Variants in CCDC3 observed in about 807,000 individuals in gnomAD.
CCDC3 encodes the protein coiled-coil domain containing 3, also known as coiled-coil domain-containing protein 3.
A neutral mutation model predicts 21.4 loss-of-function variants in CCDC3; 24 were observed. That is an observed-to-expected ratio of 1.12 (90% confidence interval 0.81 to 1.58). CCDC3 has a LOEUF of 1.58. Ranked by LOEUF, CCDC3 falls within the 40% of genes most tolerant of loss-of-function variation. CCDC3 has a pLI of 0.00. For synonymous variants in CCDC3, 186 were observed against 166.0 expected (o/e 1.12, Z -0.93); for missense variants, 425 against 360.9 (o/e 1.18, Z -1.44).
chr10:13,035,048 A>T (rs965445790), intron 5 of CCDC3, among the ~76,000 whole-genome samples: 166 of 143,720 alleles, frequency 1.2e-3, no homozygotes, highest in African/African-American at 3.6e-3. Flanking sequence ...AAAAAAAATT[A>T]AAAAAAAAAG....
intron 2 of CCDC3, among the ~76,000 whole-genome samples, chr10:12,955,567 T>C (rs935879202): frequency 1.3e-5 from 2 of 152,090 alleles, no homozygotes; most frequent in African/African-American, 4.8e-5. Context: ...TTTTTTTTCT[T>C]TGAGAGACAG....
At chr10:13,030,437 T>C (rs1232227768) in intron 5 of CCDC3, among the ~76,000 whole-genome samples, 5 of 152,150 alleles carry the variant, frequency 3.3e-5, no homozygotes, top group African/African-American at 9.6e-5. Context: ...CATCAACTAA[T>C]GAGCAAAATA....
At position 12,900,547 on chromosome 10, in the gene CCDC3, C is replaced by T. The variant is rs375359855; in HGVS notation, c.550-1868G>A. 9.3e-3 allele frequency among the ~76,000 whole-genome samples: 1,271 copies of T among 137,022 alleles called. 11 individuals carry two copies. The highest frequency in any genetic ancestry group is 0.015 in the Non-Finnish European group (976 of 63,020). 89.9% of individuals were successfully genotyped at this position (137,022 alleles called of 152,430 possible). On this transcript the variant is annotated intron_variant, in intron 2 of 2. Coordinates refer to ENST00000378825, the MANE Select transcript of CCDC3 (RefSeq NM_031455.4). ...CAAAAAAAAAAAAAAAAAAAAAAGC[C>T]GGGCGTCGTGGCGGGTGCCTGTAGT... is the stretch of plus-strand genomic sequence containing the variant.
At chr10:13,093,459 C>A (rs993859130) in intron 3 of CCDC3, among the ~76,000 whole-genome samples, 1 of 152,078 alleles carries the variant, frequency 6.6e-6, no homozygotes, top group African/African-American at 2.4e-5. Flanking sequence ...GGGGACACAG[C>A]CAAACCATAT....
intron 2 of CCDC3, among the ~76,000 whole-genome samples, chr10:12,966,594 A>G (rs1261671525): frequency 6.6e-6 from 1 of 152,134 alleles, no homozygotes; most frequent in Admixed American, 6.5e-5. Context: ...ATTTTAGAGC[A>G]TCAGACACGC....
chr10:12,910,104 A>G (rs1180178006), intron 2 of CCDC3, among the ~76,000 whole-genome samples: 4 of 152,212 alleles, frequency 2.6e-5, no homozygotes, highest in Admixed American at 2.6e-4. Flanking sequence ...TTCAGCTAAG[A>G]GTCTGTTTAT....
intron 2 of CCDC3, among the ~76,000 whole-genome samples, chr10:12,965,021 C>T (rs1465789133): frequency 6.6e-6 from 1 of 152,152 alleles, no homozygotes; most frequent in Non-Finnish European, 1.5e-5. Flanking sequence ...AGTACCCCCA[C>T]CCCTGGGAGT....
At chr10:13,030,183 C>T (rs1836281537) in intron 5 of CCDC3, among the ~76,000 whole-genome samples, 1 of 152,242 alleles carries the variant, frequency 6.6e-6, no homozygotes, top group South Asian at 2.1e-4. Flanking sequence ...TGGGAGCTAA[C>T]ATTCAACATT....
At chr10:12,963,093 C>G (rs1292787349) in intron 2 of CCDC3, among the ~76,000 whole-genome samples, 1 of 152,188 alleles carries the variant, frequency 6.6e-6, no homozygotes, top group Admixed American at 6.5e-5. Context: ...TTAAACACCA[C>G]TTTCAACTAG....
chr10:13,048,215 C>T (rs970527788), intron 5 of CCDC3, among the ~76,000 whole-genome samples: 7 of 151,790 alleles, frequency 4.6e-5, no homozygotes, highest in East Asian at 1.9e-4. Context: ...TTTTTTTAGA[C>T]GGAGTCTCGC....
At chr10:13,013,963 C>T in intron 5 of CCDC3, among the ~76,000 whole-genome samples, 1 of 151,888 alleles carries the variant, frequency 6.6e-6, no homozygotes, top group South Asian at 2.1e-4. Context: ...CCAGCCTGGC[C>T]AACATGGCGA....
intron 5 of CCDC3, among the ~76,000 whole-genome samples, chr10:13,047,766 T>A (rs10508453): frequency 0.024 from 3,696 of 152,256 alleles, 78 homozygotes; most frequent in South Asian, 0.073. Flanking sequence ...GACTAAGGCC[T>A]GAGATCGGTT....
At chr10:13,088,617 C>T (rs1837140931) in intron 3 of CCDC3, among the ~76,000 whole-genome samples, 1 of 152,176 alleles carries the variant, frequency 6.6e-6, no homozygotes, top group Admixed American at 6.5e-5. Context: ...ATGAGACAGG[C>T]TGCCGCTCAC....
intron 2 of CCDC3, among the ~76,000 whole-genome samples, chr10:13,098,801 C>T (rs1268223593): frequency 1.4e-5 from 2 of 144,828 alleles, no homozygotes; most frequent in African/African-American, 5.2e-5. Context: ...GCTGCAAGCT[C>T]TGCCTCCCGG....
chr10:12,986,570 G>C (rs971959120), intron 2 of CCDC3, among the ~76,000 whole-genome samples: 17 of 152,224 alleles, frequency 1.1e-4, no homozygotes, highest in Admixed American at 7.8e-4. Flanking sequence ...GTCAGGAGAT[G>C]GAAACCACTC....
chr10:13,075,172 A>T (rs780537026), intron 3 of CCDC3, among the ~76,000 whole-genome samples: 1 of 152,206 alleles, frequency 6.6e-6, no homozygotes, highest in Non-Finnish European at 1.5e-5. Flanking sequence ...TCAATATCTC[A>T]GAAGCTAGGG....
At chr10:13,078,751 A>G (rs1003674927) in intron 3 of CCDC3, among the ~76,000 whole-genome samples, 2 of 152,054 alleles carry the variant, frequency 1.3e-5, no homozygotes, top group Admixed American at 1.3e-4. Flanking sequence ...TGAGCAAACC[A>G]TCGCAAGGAC....
chr10:12,948,652 A>G (rs1834959488), intron 2 of CCDC3, among the ~76,000 whole-genome samples: 1 of 151,682 alleles, frequency 6.6e-6, no homozygotes. Flanking sequence ...AACACCTTAA[A>G]TTACTAGAAG....
intron 2 of CCDC3, among the ~76,000 whole-genome samples, chr10:12,972,525 G>A (rs905228654): frequency 6.6e-6 from 1 of 152,146 alleles, no homozygotes; most frequent in Non-Finnish European, 1.5e-5. Flanking sequence ...CTTTTAAAAT[G>A]AGAAATTGGG....
Sources: allele counts gnomAD v4.1 joint callset (sites outside exome capture counted in the v4.1 genomes callset), GRCh38; gene constraint gnomAD v4.1.1; transcripts MANE v1.5; gene names NCBI Gene and HGNC (gene_info 2026-07-23, HGNC 2026-07-21).